NCOA2: variants seen among roughly 807,000 people sequenced by gnomAD.
NCOA2 encodes class E basic helix-loop-helix protein 75.
Under a neutral mutation model 145.1 loss-of-function variants are expected in NCOA2, and 21 were observed. The observed-to-expected ratio is 0.14, with a 90% CI of 0.10 to 0.21. The LOEUF (loss-of-function observed/expected upper bound fraction) is 0.21, where lower values mean the gene tolerates loss of function less well. NCOA2 is among the 10% of genes least tolerant of loss of function. The probability of loss-of-function intolerance (pLI) is 1.00; values close to 1 mark genes in which losing one functional copy is unlikely to be tolerated. For synonymous variants in NCOA2, 619 were observed against 637.5 expected, an observed-to-expected ratio of 0.97 and a Z score of 0.44; for missense variants, 1,472 against 1,837.6, an observed-to-expected ratio of 0.80 and a Z score of 3.64.
chr8:70,150,343 A>ACT (rs1360661148), intron 11 of NCOA2, among the ~76,000 whole-genome samples: 1 of 152,242 alleles, frequency 6.6e-6, no homozygotes, highest in Non-Finnish European at 1.5e-5. Context: ...CACCGCACTG[A>ACT]CTATCTCCTC....
At chr8:70,227,160 C>A (rs1820721115) in intron 2 of NCOA2, among the ~76,000 whole-genome samples, 1 of 152,214 alleles carries the variant, frequency 6.6e-6, no homozygotes, top group South Asian at 2.1e-4. Flanking sequence ...TGCTGCCTCC[C>A]ACTCGAGTGT....
chr8:70,165,387 A>G (rs1055222067), intron 7 of NCOA2, among the ~76,000 whole-genome samples: 1 of 152,242 alleles, frequency 6.6e-6, no homozygotes, highest in Non-Finnish European at 1.5e-5. Context: ...ACTTCACTTG[A>G]TAATAAACTG....
Position 70,125,015 on chromosome 8 carries a change from A to T in NCOA2, c.3917-150T>A, listed in dbSNP as rs370407589. The T allele has an allele frequency of 2.5e-4, 133 of 541,848 alleles. No individual in the cohort carries two copies. In the South Asian group the frequency reaches 6.5e-3, roughly 26 times the overall value. 33.6% of individuals were successfully genotyped at this position (541,848 alleles called of 1,614,324 possible). On this transcript the variant is annotated intron_variant, in intron 19 of 22. Coordinates refer to ENST00000452400, the MANE Select transcript of NCOA2 (RefSeq NM_006540.4). ...TGTACTGATTAATTACATACATTTA[A>T]GAAAGATTCCAAGCTCGGATAAAAT...
At position 70,141,514 on chromosome 8, in the gene NCOA2, C is replaced by T. The variant is rs551556051; in HGVS notation, c.2813-115G>A. 203 of 969,700 alleles carry T rather than the reference C, an allele frequency of 2.1e-4. 1 individual carries two copies. Among genetic ancestry groups the T allele is most frequent in the Non-Finnish European group, 3.1e-4 (196 of 635,192 alleles). The allele number at this position is 969,700 out of a possible 1,614,324, so 60.1% of individuals were successfully genotyped here. ...AATCATTCTGTAATTCACACTTAGC[C>T]AATAGCTAATGTTCTCATTGGGCAG... On this transcript the variant is annotated intron_variant, in intron 13 of 22. Transcript: ENST00000452400.
chr8:70,340,197 A>G (rs989879493), intron 1 of NCOA2, among the ~76,000 whole-genome samples: 3 of 151,352 alleles, frequency 2.0e-5, no homozygotes, highest in Non-Finnish European at 2.9e-5. Flanking sequence ...TCTTTCTGAC[A>G]GTGGTCTGAT....
At chr8:70,188,571 A>T (rs978341772) in intron 4 of NCOA2, among the ~76,000 whole-genome samples, 7 of 152,378 alleles carry the variant, frequency 4.6e-5, no homozygotes, top group African/African-American at 1.7e-4. Context: ...AATGACAAGC[A>T]GTCTTACAAT....
intron 4 of NCOA2, among the ~76,000 whole-genome samples, chr8:70,213,094 CAAAAAAA>C (rs951962965): frequency 7.7e-5 from 6 of 77,688 alleles, no homozygotes; most frequent in African/African-American, 2.5e-4. Flanking sequence ...AAAAAAACAC[CAAAAAAA>C]AAAAAAAAAA....
At chr8:70,344,073 C>G (rs1808383744) in intron 1 of NCOA2, among the ~76,000 whole-genome samples, 1 of 152,098 alleles carries the variant, frequency 6.6e-6, no homozygotes, top group Non-Finnish European at 1.5e-5. Flanking sequence ...CCTTTTAAAC[C>G]CGTGTATTCT....
chr8:70,308,343 C>T lies in NCOA2; in HGVS notation c.-76-11543G>A, dbSNP rs1310832634. Among the ~76,000 whole-genome samples the T allele has an allele frequency of 2.0e-5, 3 of 151,986 alleles. No individual in the cohort carries two copies. The East Asian group carries it at 5.8e-4, about 29-fold the overall frequency. ...AAATTGAAATTGTGGCACTCCTATG[C>T]CAGTTTGCAGATTTGGGAAAAATTT... On this transcript the variant is annotated intron_variant, in intron 1 of 22. Transcript: ENST00000452400.
the NCOA2 span, among the ~76,000 whole-genome samples, chr8:70,415,934 A>G: frequency 6.6e-6 from 1 of 152,212 alleles, no homozygotes; most frequent in East Asian, 1.9e-4. Flanking sequence ...TCTTTATGAT[A>G]TTACTACGAT....
intron 22 of NCOA2, 111 bp from the exon 23 acceptor site, chr8:70,113,754 TCA>T (rs1277129716): frequency 8.6e-6 from 9 of 1,051,702 alleles, no homozygotes; most frequent in South Asian, 4.1e-5. Context: ...ATAAAGCAAA[TCA>T]CAGAGGCCGC....
At chr8:70,433,862 AT>A in the NCOA2 span, among the ~76,000 whole-genome samples, 2 of 152,168 alleles carry the variant, frequency 1.3e-5, no homozygotes, top group African/African-American at 4.8e-5. Flanking sequence ...GAAAAAGGTC[AT>A]TCCCTGTGGG....
intron 1 of NCOA2, among the ~76,000 whole-genome samples, chr8:70,396,380 C>G (rs1413943974): frequency 6.6e-6 from 1 of 152,192 alleles, no homozygotes; most frequent in Non-Finnish European, 1.5e-5. Context: ...GCAAAATACA[C>G]TCCCTACTCT....
At chr8:70,267,285 C>CCTCGCACT (rs1407322586) in intron 2 of NCOA2, among the ~76,000 whole-genome samples, 1 of 152,068 alleles carries the variant, frequency 6.6e-6, no homozygotes, top group Non-Finnish European at 1.5e-5. Flanking sequence ...TAGAAGCATG[C>CCTCGCACT]CTCGCACTCA....
intron 5 of NCOA2, among the ~76,000 whole-genome samples, chr8:70,171,763 A>G (rs1585945247): frequency 2.6e-5 from 4 of 152,286 alleles, no homozygotes; most frequent in South Asian, 4.1e-4. Context: ...CCTGGGCTCA[A>G]GCTATCCTCC....
At chr8:70,178,495 C>T (rs1191600885) in intron 4 of NCOA2, among the ~76,000 whole-genome samples, 3 of 152,106 alleles carry the variant, frequency 2.0e-5, no homozygotes, top group African/African-American at 7.2e-5. Context: ...CTATGTGAGC[C>T]CACATGAGGG....
chr8:70,360,625 A>G (rs139864284), intron 1 of NCOA2, among the ~76,000 whole-genome samples: 7 of 152,264 alleles, frequency 4.6e-5, no homozygotes, highest in Middle Eastern at 3.4e-3. Flanking sequence ...GAAGACTGCA[A>G]TATAATCTGT....
At chr8:70,229,439 G>C (rs1348695995) in intron 2 of NCOA2, among the ~76,000 whole-genome samples, 1 of 152,230 alleles carries the variant, frequency 6.6e-6, no homozygotes, top group Non-Finnish European at 1.5e-5. Context: ...GCTAGGTTTT[G>C]AAGAATGGGT....
chr8:70,430,471 A>G, the NCOA2 span, among the ~76,000 whole-genome samples: 6 of 152,208 alleles, frequency 3.9e-5, no homozygotes, highest in African/African-American at 1.2e-4. Context: ...TGACATATGT[A>G]TATATCCTTG....
Sources: allele counts gnomAD v4.1 joint callset (sites outside exome capture counted in the v4.1 genomes callset), GRCh38; gene constraint gnomAD v4.1.1; transcripts MANE v1.5; gene names NCBI Gene and HGNC (gene_info 2026-07-23, HGNC 2026-07-21).